The following DISC1 variants were observed in gnomAD, a reference collection of about 807,000 sequenced individuals.
DISC1 encodes the protein DISC1 scaffold protein, also known as disrupted in schizophrenia 1 protein.
A neutral mutation model predicts 84.5 loss-of-function variants in DISC1; 57 were observed. The ratio of observed to expected loss-of-function variants is 0.67; its 90% CI spans 0.55 to 0.84. The LOEUF (loss-of-function observed/expected upper bound fraction) is 0.84, where lower values mean the gene tolerates loss of function less well. Among genes scored for constraint, DISC1 ranks in the 40% least tolerant of loss-of-function variants. DISC1 has a pLI of 0.00. For synonymous variants in DISC1, 411 were observed against 415.2 expected (o/e 0.99, Z 0.12); for missense variants, 1,000 against 1,057.8 (o/e 0.95, Z 0.76).
intron 1 of DISC1, among the ~76,000 whole-genome samples, chr1:231,648,155 CTTCCAGTT>C (rs2125253872): frequency 6.6e-6 from 1 of 152,336 alleles, no homozygotes; most frequent in South Asian, 2.1e-4. Flanking sequence ...AAAGGTAATG[CTTCCAGTT>C]TTTGCTCATT....
intron 8 of DISC1, among the ~76,000 whole-genome samples, chr1:231,803,330 A>G (rs889008205): frequency 1.3e-5 from 2 of 152,184 alleles, no homozygotes; most frequent in African/African-American, 2.4e-5. Context: ...CATCTCTATT[A>G]ATGTGTAATA....
Position 231,932,910 on chromosome 1 carries a change from C to T in DISC1, c.1982-25918C>T, listed in dbSNP as rs538522533. 6.6e-5 allele frequency among the ~76,000 whole-genome samples: 10 copies of T among 152,216 alleles called. No individual in the cohort carries two copies. The South Asian group carries it at 1.0e-3, about 16-fold the overall frequency. On this transcript the variant is annotated intron_variant, in intron 9 of 12. Coordinates refer to ENST00000439617, the MANE Select transcript of DISC1 (RefSeq NM_018662.3). ...GCCTCTAATTCTCAACCCTGGAGAG[C>T]GCCAATTAGTTGTGAAGTTACTTTC...
intron 10 of DISC1, among the ~76,000 whole-genome samples, chr1:231,972,760 C>A (rs2102828388): frequency 6.6e-6 from 1 of 152,340 alleles, no homozygotes; most frequent in Non-Finnish European, 1.5e-5. Context: ...CAGTTGATGT[C>A]TTAGCCTGTT....
chr1:231,704,573 A>C (rs1264685744), intron 3 of DISC1, among the ~76,000 whole-genome samples: 1 of 151,930 alleles, frequency 6.6e-6, no homozygotes, highest in Non-Finnish European at 1.5e-5. Flanking sequence ...TGGCTAACGC[A>C]GTGAAACCCC....
chr1:231,636,281 G>A lies in DISC1; in HGVS notation c.67+9347G>A, dbSNP rs186659610. 7.5e-3 allele frequency among the ~76,000 whole-genome samples: 1,142 copies of A among 152,264 alleles called. 14 individuals carry two copies. The highest frequency in any genetic ancestry group is 8.2e-3 in the Non-Finnish European group (558 of 68,024). ...CCCACATTTTCTCCTCTGTAGGGTG[G>A]CAGCTCCGTAGGGTGGACACACGCT... On this transcript the variant is annotated intron_variant, in intron 1 of 12. Transcript: ENST00000439617.
intron 10 of DISC1, among the ~76,000 whole-genome samples, chr1:231,986,997 C>T (rs751004804): frequency 1.3e-5 from 2 of 152,130 alleles, no homozygotes; most frequent in Non-Finnish European, 2.9e-5. Context: ...TTTTTGGCAA[C>T]AGGGTAATTA....
At chr1:231,709,937 T>C (rs1257600450) in intron 3 of DISC1, among the ~76,000 whole-genome samples, 1 of 152,214 alleles carries the variant, frequency 6.6e-6, no homozygotes, top group Non-Finnish European at 1.5e-5. Flanking sequence ...CTCATAGGTT[T>C]TCTGCTTCTT....
At chr1:231,790,777 C>T (rs1020088261) in intron 6 of DISC1, among the ~76,000 whole-genome samples, 2 of 152,180 alleles carry the variant, frequency 1.3e-5, no homozygotes, top group African/African-American at 4.8e-5. Context: ...CTCGGCCTCC[C>T]AAAGTGCTGG....
In DISC1 at chr1:232,039,078, A is replaced by T. The variant is rs770771528; in HGVS notation, c.*2247A>T. 1.3e-5 allele frequency: 2 copies of T among 152,236 alleles called. No homozygotes were observed. The highest frequency in any genetic ancestry group is 2.9e-5 in the Non-Finnish European group (2 of 68,046). 9.4% of individuals were successfully genotyped at this position (152,236 alleles called of 1,614,324 possible). A position where few individuals can be genotyped will look rare whatever the true frequency, so the allele number is the denominator to read the frequency against. The stretch of plus-strand genomic sequence containing the variant: ...CTCTACATATTTTAATAATAAGTAT[A>T]ATTAGCTTGTTCCTGGACTTCATTT... On this transcript the variant is annotated 3_prime_UTR_variant, in exon 13 of 13. Coordinates refer to ENST00000439617, the MANE Select transcript of DISC1 (RefSeq NM_018662.3).
chr1:231,835,358 G>A (rs2082554253), intron 9 of DISC1, among the ~76,000 whole-genome samples: 1 of 152,182 alleles, frequency 6.6e-6, no homozygotes, highest in African/African-American at 2.4e-5. Flanking sequence ...AGATAGGGGT[G>A]GCGCTGTTTT....
chr1:231,830,552 A>G (rs924888763), intron 9 of DISC1, among the ~76,000 whole-genome samples: 5 of 152,200 alleles, frequency 3.3e-5, no homozygotes, highest in Non-Finnish European at 4.4e-5. Context: ...ATGGCTTGGA[A>G]AAACAGTGTA....
chr1:231,894,281 A>G (rs2087494931), intron 9 of DISC1, among the ~76,000 whole-genome samples: 1 of 152,232 alleles, frequency 6.6e-6, no homozygotes, highest in African/African-American at 2.4e-5. Flanking sequence ...AGAAAAAAAC[A>G]TAGTGGACAC....
chr1:231,740,029 C>T lies in DISC1; in HGVS notation c.1118-9897C>T, dbSNP rs1169235854. On this transcript the variant is annotated intron_variant, in intron 3 of 12. Transcript: ENST00000439617. The stretch of plus-strand genomic sequence containing the variant: ...CATGAATGGAATTAGTGCCCTTATA[C>T]GAAGAAACCAGAGAGGTAGCTTGTT... 1.2e-4 allele frequency among the ~76,000 whole-genome samples: 19 copies of T among 152,272 alleles called. No homozygotes were observed. In the South Asian group the frequency reaches 1.7e-3, roughly 13 times the overall value.
At chr1:232,017,651 TA>T (rs1668608466) in intron 11 of DISC1, among the ~76,000 whole-genome samples, 1 of 152,118 alleles carries the variant, frequency 6.6e-6, no homozygotes, top group Non-Finnish European at 1.5e-5. Context: ...AAGAGTACCG[TA>T]TCCAAGGTGG....
At chr1:231,781,593 T>A (rs547037926) in intron 6 of DISC1, among the ~76,000 whole-genome samples, 1 of 152,264 alleles carries the variant, frequency 6.6e-6, no homozygotes, top group Non-Finnish European at 1.5e-5. Context: ...GTCTTTCTCC[T>A]AGTCGATTTC....
intron 10 of DISC1, among the ~76,000 whole-genome samples, chr1:231,995,309 G>C (rs1416116053): frequency 6.6e-6 from 1 of 151,324 alleles, no homozygotes; most frequent in Non-Finnish European, 1.5e-5. Flanking sequence ...AAAAGACCTG[G>C]TTATTTTCTT....
At chr1:231,944,144 C>T (rs1217487932) in intron 9 of DISC1, among the ~76,000 whole-genome samples, 1 of 152,212 alleles carries the variant, frequency 6.6e-6, no homozygotes, top group African/African-American at 2.4e-5. Context: ...CTGAACCCAG[C>T]CTCCAGCTCT....
intron 9 of DISC1, among the ~76,000 whole-genome samples, chr1:231,821,108 A>G (rs894181600): frequency 1.3e-5 from 2 of 152,214 alleles, no homozygotes; most frequent in African/African-American, 2.4e-5. Context: ...TTTGGTGTCC[A>G]GCATGATGTC....
intron 3 of DISC1, among the ~76,000 whole-genome samples, chr1:231,713,223 A>C (rs183244368): frequency 5.3e-5 from 8 of 152,342 alleles, no homozygotes; most frequent in African/African-American, 1.9e-4. Flanking sequence ...TTAAGTGCCC[A>C]ATGTTCAACA....
Sources: gnomAD v4.1 joint callset for allele counts (sites outside exome capture counted in the v4.1 genomes callset) on GRCh38, gnomAD v4.1.1 for gene constraint, MANE v1.5 for transcripts, NCBI Gene and HGNC (gene_info 2026-07-23, HGNC 2026-07-21) for gene names.